The following STIMATE variants were observed in gnomAD, a reference collection of about 807,000 sequenced individuals.
STIMATE encodes the protein store-operated calcium entry regulator STIMATE.
Under a neutral mutation model 36.7 loss-of-function variants are expected in STIMATE, and 15 were observed. The ratio of observed to expected loss-of-function variants is 0.41; its 90% confidence interval spans 0.27 to 0.63. STIMATE has a LOEUF of 0.63. STIMATE is among the 20% of genes least tolerant of loss of function. STIMATE has a pLI of 0.32. For missense variants in STIMATE, 305 were observed against 397.3 expected (o/e 0.77, Z 1.98); for synonymous variants, 163 against 162.3 (o/e 1.00, Z -0.03).
At chr3:52,845,886 C>T (rs1700887870) in intron 4 of STIMATE, among the ~76,000 whole-genome samples, 1 of 142,006 alleles carries the variant, frequency 7.0e-6, no homozygotes, top group Non-Finnish European at 1.5e-5. Flanking sequence ...GCCAGAGCTG[C>T]CTTACCACAG....
intron 1 of STIMATE, among the ~76,000 whole-genome samples, chr3:52,856,697 G>C (rs1322463092): frequency 6.6e-6 from 1 of 151,666 alleles, no homozygotes; most frequent in Non-Finnish European, 1.5e-5. Flanking sequence ...AAAAAGAAAA[G>C]AAAAGAAAAG....
intron 1 of STIMATE, among the ~76,000 whole-genome samples, chr3:52,871,370 C>T (rs948367378): frequency 5.9e-5 from 9 of 152,118 alleles, no homozygotes; most frequent in Non-Finnish European, 7.4e-5. Flanking sequence ...GGACTGCTCA[C>T]GACAGTCAGC....
chr3:52,879,079 A>G (rs1056830312), intron 1 of STIMATE, among the ~76,000 whole-genome samples: 2 of 152,226 alleles, frequency 1.3e-5, no homozygotes, highest in African/African-American at 4.8e-5. Context: ...CAGAACAATT[A>G]AAGGAAGACC....
At chr3:52,859,075 T>C (rs1335389149) in intron 1 of STIMATE, among the ~76,000 whole-genome samples, 3 of 150,788 alleles carry the variant, frequency 2.0e-5, no homozygotes, top group African/African-American at 7.3e-5. Context: ...GGCAGGAGAA[T>C]CACTTGAACC....
intron 1 of STIMATE, among the ~76,000 whole-genome samples, chr3:52,876,929 T>A (rs1012937938): frequency 2.0e-5 from 3 of 152,204 alleles, no homozygotes; most frequent in Non-Finnish European, 2.9e-5. Flanking sequence ...GGAAAAACAA[T>A]TCAAGAATGT....
At chr3:52,867,377 G>A (rs144223020) in intron 1 of STIMATE, among the ~76,000 whole-genome samples, 214 of 152,330 alleles carry the variant, frequency 1.4e-3, no homozygotes, top group African/African-American at 5.0e-3. Flanking sequence ...ACACAAAACC[G>A]CTGGTCCTTG....
In STIMATE at chr3:52,897,471, C is replaced by T. The variant is rs1019328058; in HGVS notation, c.-21G>A. 1 of 1,281,300 alleles carries T rather than the reference C, an allele frequency of 7.8e-7. No homozygotes were observed. The highest frequency in any genetic ancestry group is 9.8e-7 in the Non-Finnish European group (1 of 1,016,472). The allele number at this position is 1,281,300 out of a possible 1,614,324, so 79.4% of individuals were successfully genotyped here. ...TGCATGACAGGCCTCGCGGGAGGGG[C>T]GCGAGGGCCCAGGGCCCGCCCGGCC... is the stretch of plus-strand genomic sequence containing the variant. On this transcript the variant is annotated 5_prime_UTR_variant, in exon 1 of 8. Coordinates refer to ENST00000355083, the MANE Select transcript of STIMATE (RefSeq NM_198563.5).
intron 1 of STIMATE, among the ~76,000 whole-genome samples, chr3:52,888,007 T>TG (rs1553631441): frequency 7.2e-6 from 1 of 139,548 alleles, no homozygotes; most frequent in South Asian, 2.5e-4. Flanking sequence ...TTTTTTTTTT[T>TG]TTTTTTTTTT....
chr3:52,851,225 C>A (rs1390436674), intron 3 of STIMATE, among the ~76,000 whole-genome samples: 1 of 152,244 alleles, frequency 6.6e-6, no homozygotes, highest in Non-Finnish European at 1.5e-5. Context: ...GTACCCAGAT[C>A]CAGCTGAGCA....
rs577870883 is a variant in STIMATE, at chr3:52,889,227, C to T, written c.160+8064G>A. On this transcript the variant is annotated intron_variant, in intron 1 of 7. Transcript: ENST00000355083. Reference sequence around the variant, plus strand: ...TAGGTACAGAATTTTTAGAATGTACCAACAACTGAACTTCTGTCAGAGATG... The same window carrying T: ...TAGGTACAGAATTTTTAGAATGTACTAACAACTGAACTTCTGTCAGAGATG... Among the ~76,000 whole-genome samples the T allele has an allele frequency of 5.9e-5, 9 of 152,234 alleles. No individual in the cohort carries two copies. The South Asian group carries it at 1.0e-3, about 18-fold the overall frequency.
At chr3:52,888,159 C>T (rs562931463) in intron 1 of STIMATE, among the ~76,000 whole-genome samples, 2 of 151,978 alleles carry the variant, frequency 1.3e-5, no homozygotes, top group Non-Finnish European at 2.9e-5. Context: ...CAGCCTCTCA[C>T]GTGCTTCTGA....
intron 4 of STIMATE, among the ~76,000 whole-genome samples, chr3:52,845,654 G>A (rs141901369): frequency 1.3e-5 from 2 of 152,344 alleles, no homozygotes; most frequent in Non-Finnish European, 2.9e-5. Flanking sequence ...CACCATGCTT[G>A]AGAAACCGAG....
At position 52,853,471 on chromosome 3, in the gene STIMATE, C is replaced by T. The variant is rs148692967; in HGVS notation, c.210-773G>A. Among the ~76,000 whole-genome samples, 574 of 152,316 alleles carry T rather than the reference C, an allele frequency of 3.8e-3. 1 individual carries two copies. The highest frequency in any genetic ancestry group is 5.6e-3 in the Admixed American group (86 of 15,298). On this transcript the variant is annotated intron_variant, in intron 2 of 7. Transcript: ENST00000355083. Reference sequence around the variant, plus strand: ...CCAGGTAGCCATTCTCCTCTGTGGTCGAGGCACCTCTTGGTCATGGCTGTC... The same window carrying T: ...CCAGGTAGCCATTCTCCTCTGTGGTTGAGGCACCTCTTGGTCATGGCTGTC...
intron 1 of STIMATE, among the ~76,000 whole-genome samples, chr3:52,889,638 G>A (rs553504462): frequency 2.6e-4 from 40 of 152,182 alleles, no homozygotes; most frequent in Non-Finnish European, 4.9e-4. Context: ...AAGCCTGGGT[G>A]AGCACGGCAC....
chr3:52,857,713 T>C (rs1324473112), intron 1 of STIMATE, among the ~76,000 whole-genome samples: 3 of 150,520 alleles, frequency 2.0e-5, no homozygotes, highest in African/African-American at 4.9e-5. Flanking sequence ...TTTATAATTA[T>C]AAGTAATACA....
intron 1 of STIMATE, among the ~76,000 whole-genome samples, chr3:52,869,804 A>C (rs1701373048): frequency 6.6e-6 from 1 of 152,242 alleles, no homozygotes; most frequent in African/African-American, 2.4e-5. Context: ...GTTTGCGAGT[A>C]TGAGCTCTGG....
chr3:52,893,938 ACACG>A (rs1350483582), intron 1 of STIMATE, among the ~76,000 whole-genome samples: 2 of 152,218 alleles, frequency 1.3e-5, no homozygotes, highest in Admixed American at 1.3e-4. Context: ...ACACTGGCCA[ACACG>A]ACCTTTGGCT....
intron 1 of STIMATE, among the ~76,000 whole-genome samples, chr3:52,872,298 G>T (rs1259224553): frequency 6.6e-6 from 1 of 152,170 alleles, no homozygotes; most frequent in African/African-American, 2.4e-5. Context: ...CTCCAAACAG[G>T]TAGCTAAACA....
In STIMATE at chr3:52,847,336, C is replaced by T. The variant is rs369277329; in HGVS notation, c.428-2395G>A. 2.2e-4 allele frequency: 265 copies of T among 1,212,566 alleles called. 1 individual carries two copies. The highest frequency in any genetic ancestry group is 1.1e-3 in the African/African-American group (67 of 63,318). 75.1% of individuals were successfully genotyped at this position (1,212,566 alleles called of 1,614,324 possible). On this transcript the variant is annotated intron_variant, in intron 4 of 7. Coordinates refer to ENST00000355083, the MANE Select transcript of STIMATE (RefSeq NM_198563.5). ...CCAAAAGGAGGGAACACATCTGTGG[C>T]GAGAGGCTTTCAAAAGGGAGAGTTT... is the stretch of plus-strand genomic sequence containing the variant.
Sources: allele counts gnomAD v4.1 joint callset (sites outside exome capture counted in the v4.1 genomes callset), GRCh38; gene constraint gnomAD v4.1.1; transcripts MANE v1.5; gene names NCBI Gene and HGNC (gene_info 2026-07-23, HGNC 2026-07-21).